The following DNAJC1 variants were observed in gnomAD, a reference collection of about 807,000 sequenced individuals.
DNAJC1 encodes the protein dnaJ homolog subfamily C member 1.
Under a neutral mutation model 76.6 loss-of-function variants are expected in DNAJC1, and 58 were observed. The ratio of observed to expected loss-of-function variants is 0.76; its 90% CI spans 0.61 to 0.94. DNAJC1 has a LOEUF of 0.94. Among genes scored for constraint, DNAJC1 ranks in the 40% least tolerant of loss-of-function variants. The probability of loss-of-function intolerance (pLI) is 0.00; values close to 1 mark genes in which losing one functional copy is unlikely to be tolerated. For missense variants in DNAJC1, 689 were observed against 677.3 expected, an observed-to-expected ratio of 1.02 and a Z score of -0.19; for synonymous variants, 258 against 267.9, an observed-to-expected ratio of 0.96 and a Z score of 0.36.
chr10:21,940,231 T>C (rs1317969244), intron 1 of DNAJC1, among the ~76,000 whole-genome samples: 1 of 152,112 alleles, frequency 6.6e-6, no homozygotes, highest in Admixed American at 6.6e-5. Context: ...AAATAATAAA[T>C]ACAATAATAT....
At chr10:21,987,256 T>C (rs1019394685) in intron 1 of DNAJC1, among the ~76,000 whole-genome samples, 3 of 152,218 alleles carry the variant, frequency 2.0e-5, no homozygotes, top group African/African-American at 7.2e-5. Flanking sequence ...ATGTTCTTAG[T>C]CTAGCCACAT....
intron 8 of DNAJC1, among the ~76,000 whole-genome samples, chr10:21,843,371 T>C (rs1406771657): frequency 6.6e-6 from 1 of 151,570 alleles, no homozygotes; most frequent in African/African-American, 2.4e-5. Context: ...ATTTAATTAG[T>C]ACATTTACTT....
rs561224678 is a variant in DNAJC1 at position 21,831,663 on chromosome 10, G to A, written c.979-25564C>T. ...ATATTAGCCAGGCATGGTGGCAGGC[G>A]CCTGTAGTCCCAGCTACTCAGGAGG... On this transcript the variant is annotated intron_variant, in intron 8 of 11. Transcript: ENST00000376980. 1.7e-4 allele frequency among the ~76,000 whole-genome samples: 26 copies of A among 151,968 alleles called. No homozygotes were observed. The East Asian group carries it at 3.9e-3, about 23-fold the overall frequency.
At chr10:21,817,623 G>GA (rs1049783599) in intron 8 of DNAJC1, among the ~76,000 whole-genome samples, 7 of 151,866 alleles carry the variant, frequency 4.6e-5, no homozygotes, top group Non-Finnish European at 5.9e-5. Flanking sequence ...AGCTCTTAAT[G>GA]AAAAAAAATG....
At chr10:21,957,267 T>C (rs1837705055) in intron 1 of DNAJC1, among the ~76,000 whole-genome samples, 1 of 152,150 alleles carries the variant, frequency 6.6e-6, no homozygotes, top group Non-Finnish European at 1.5e-5. Flanking sequence ...TTCTGATTAT[T>C]CAGAAACCCT....
intron 6 of DNAJC1, among the ~76,000 whole-genome samples, chr10:21,908,043 A>ATATT (rs1836777687): frequency 8.4e-6 from 1 of 119,710 alleles, no homozygotes; most frequent in South Asian, 2.2e-4. Flanking sequence ...AATATAATAT[A>ATATT]ATATATAAAT....
intron 6 of DNAJC1, among the ~76,000 whole-genome samples, chr10:21,917,462 T>A (rs1282805035): frequency 1.3e-5 from 2 of 152,074 alleles, no homozygotes; most frequent in Non-Finnish European, 2.9e-5. Context: ...TTTTAACTCA[T>A]CTATATTCTG....
At chr10:21,923,448 T>C (rs983810330) in intron 3 of DNAJC1, among the ~76,000 whole-genome samples, 2 of 152,008 alleles carry the variant, frequency 1.3e-5, no homozygotes, top group African/African-American at 4.8e-5. Flanking sequence ...CATCACTGTA[T>C]TAGGCTTTTC....
chr10:21,789,717 A>T (rs1011033183), intron 9 of DNAJC1, among the ~76,000 whole-genome samples: 23 of 152,318 alleles, frequency 1.5e-4, no homozygotes, highest in Middle Eastern at 3.4e-3. Context: ...AATGAATAAA[A>T]TAAAAAATAC....
intron 8 of DNAJC1, among the ~76,000 whole-genome samples, chr10:21,858,062 C>T: frequency 6.6e-6 from 1 of 152,114 alleles, no homozygotes; most frequent in Non-Finnish European, 1.5e-5. Context: ...TGAGATTATC[C>T]TAAATTATAA....
intron 8 of DNAJC1, among the ~76,000 whole-genome samples, chr10:21,879,009 A>C (rs948568183): frequency 6.6e-6 from 1 of 152,228 alleles, no homozygotes; most frequent in Non-Finnish European, 1.5e-5. Context: ...AATAGAGGAA[A>C]TCATACTCAA....
chr10:21,997,936 T>C (rs1838445755), intron 1 of DNAJC1, among the ~76,000 whole-genome samples: 1 of 152,144 alleles, frequency 6.6e-6, no homozygotes, highest in Non-Finnish European at 1.5e-5. Flanking sequence ...TGAAGACAAA[T>C]CTTGACTTCA....
At chr10:21,813,335 G>A (rs1407046152) in intron 8 of DNAJC1, among the ~76,000 whole-genome samples, 1 of 149,996 alleles carries the variant, frequency 6.7e-6, no homozygotes, top group Non-Finnish European at 1.5e-5. Context: ...GCGGCCCAAT[G>A]GATAGGCAGT....
intron 8 of DNAJC1, among the ~76,000 whole-genome samples, chr10:21,813,175 C>CCT (rs532971786): frequency 1.7e-3 from 48 of 28,328 alleles, no homozygotes; most frequent in East Asian, 3.9e-3. Flanking sequence ...TCTCTCTCTC[C>CCT]CTCTCTCTCT....
intron 8 of DNAJC1, among the ~76,000 whole-genome samples, chr10:21,815,979 A>T (rs1412264914): frequency 1.3e-5 from 2 of 151,236 alleles, no homozygotes; most frequent in African/African-American, 4.9e-5. Context: ...CCTGACCTCA[A>T]GTGATCCGCC....
chr10:21,945,514 G>T (rs924704653), intron 1 of DNAJC1, among the ~76,000 whole-genome samples: 3 of 152,142 alleles, frequency 2.0e-5, no homozygotes, highest in African/African-American at 7.2e-5. Context: ...TAGAGTAAGG[G>T]ACAGAATCCA....
chr10:21,762,358 G>A (rs966770710), intron 10 of DNAJC1, among the ~76,000 whole-genome samples: 2 of 152,128 alleles, frequency 1.3e-5, no homozygotes, highest in Admixed American at 6.6e-5. Flanking sequence ...CAATGAGATT[G>A]AAAAATTGCT....
At chr10:21,815,987 G>A (rs1375010695) in intron 8 of DNAJC1, among the ~76,000 whole-genome samples, 3 of 151,218 alleles carry the variant, frequency 2.0e-5, no homozygotes, top group East Asian at 2.0e-4. Flanking sequence ...CAAGTGATCC[G>A]CCTGTATCGG....
intron 3 of DNAJC1, 51 bp from the exon 4 acceptor site, chr10:21,921,014 A>G (rs750254966): frequency 1.4e-6 from 2 of 1,459,626 alleles, no homozygotes; most frequent in Admixed American, 2.4e-5. Flanking sequence ...ATAAAAACAA[A>G]AAAAACTATT....
Sources: gnomAD v4.1 joint callset for allele counts (sites outside exome capture counted in the v4.1 genomes callset) on GRCh38, gnomAD v4.1.1 for gene constraint, MANE v1.5 for transcripts, NCBI Gene and HGNC (gene_info 2026-07-23, HGNC 2026-07-21) for gene names.